Variants in FOXJ3 observed in about 807,000 individuals in gnomAD.
FOXJ3 encodes forkhead box J3, also known as forkhead box protein J3.
Under a neutral mutation model 76.1 loss-of-function variants are expected in FOXJ3, and 22 were observed. The ratio of observed to expected loss-of-function variants is 0.29; its 90% CI spans 0.21 to 0.41. FOXJ3 has a LOEUF of 0.41. Among genes scored for constraint, FOXJ3 ranks in the 10% least tolerant of loss-of-function variants. The pLI, the probability that FOXJ3 is intolerant of heterozygous loss-of-function variation, is 1.00. For synonymous variants in FOXJ3, 269 were observed against 261.2 expected (o/e 1.03, Z -0.29); for missense variants, 613 against 762.1 (o/e 0.80, Z 2.30).
chr1:42,247,852 A>C (rs770317857), intron 4 of FOXJ3, among the ~76,000 whole-genome samples: 4 of 152,256 alleles, frequency 2.6e-5, no homozygotes, highest in Non-Finnish European at 1.5e-5. Flanking sequence ...CAAACAATCT[A>C]AATGTTCTTC....
At chr1:42,279,633 A>G (rs753750088) in intron 2 of FOXJ3, among the ~76,000 whole-genome samples, 16 of 152,178 alleles carry the variant, frequency 1.1e-4, no homozygotes, top group Non-Finnish European at 2.4e-4. Context: ...AGAATTGAAG[A>G]TAAGAATATA....
intron 4 of FOXJ3, among the ~76,000 whole-genome samples, chr1:42,260,308 T>C (rs1360183819): frequency 6.6e-6 from 1 of 152,128 alleles, no homozygotes; most frequent in East Asian, 1.9e-4. Context: ...TATAACATAA[T>C]ACTAATATAG....
chr1:42,302,764 T>C (rs1444414754), intron 2 of FOXJ3, among the ~76,000 whole-genome samples: 1 of 152,206 alleles, frequency 6.6e-6, no homozygotes, highest in East Asian at 1.9e-4. Flanking sequence ...AGTATTATTT[T>C]GCACTATATA....
At chr1:42,311,373 A>G (rs1387005775) in intron 1 of FOXJ3, among the ~76,000 whole-genome samples, 1 of 152,218 alleles carries the variant, frequency 6.6e-6, no homozygotes, top group Non-Finnish European at 1.5e-5. Context: ...TAGATACACT[A>G]TAACTGTAAC....
At chr1:42,221,747 A>G (rs1012562012) in intron 5 of FOXJ3, among the ~76,000 whole-genome samples, 2 of 150,562 alleles carry the variant, frequency 1.3e-5, no homozygotes, top group African/African-American at 2.4e-5. Flanking sequence ...TCCCTCTTCT[A>G]CTCCTTGACA....
intron 4 of FOXJ3, among the ~76,000 whole-genome samples, chr1:42,242,692 C>T (rs1196527064): frequency 1.3e-5 from 2 of 152,008 alleles, no homozygotes; most frequent in Non-Finnish European, 2.9e-5. Flanking sequence ...GCATATGTGA[C>T]ATATGGGACA....
chr1:42,319,150 G>C (rs959839356), intron 1 of FOXJ3, among the ~76,000 whole-genome samples: 2 of 152,110 alleles, frequency 1.3e-5, no homozygotes, highest in Admixed American at 6.5e-5. Context: ...GGATCAATTG[G>C]GCCCAAGAGG....
At position 42,245,928 on chromosome 1, in the gene FOXJ3, C is replaced by CA. The variant is rs569509233; in HGVS notation, c.445-17963dup. On this transcript the variant is annotated intron_variant, in intron 4 of 12. Coordinates refer to ENST00000361346, the MANE Select transcript of FOXJ3 (RefSeq NM_014947.5). ...ATCTAGAAAATCCTAAAGACTCCCC[C>CA]AAAAAACTCAATGGTCCTAGGAAAA... Among the ~76,000 whole-genome samples the CA allele has an allele frequency of 2.2e-4, 33 of 152,190 alleles. No individual in the cohort carries two copies. In the East Asian group the frequency reaches 5.0e-3, roughly 23 times the overall value.
In FOXJ3 at chr1:42,178,997, T is replaced by A. The variant is rs1282380839; in HGVS notation, c.*713A>T. On this transcript the variant is annotated 3_prime_UTR_variant, in exon 13 of 13. Coordinates refer to ENST00000361346, the MANE Select transcript of FOXJ3 (RefSeq NM_014947.5). The stretch of plus-strand genomic sequence containing the variant: ...CAATCAACAAATTTTAGAGCTATTA[T>A]AATGCAGATTTAGAAAAGCAGACAT... 1 of 152,758 alleles carries A rather than the reference T, an allele frequency of 6.5e-6. No individual in the cohort carries two copies. The highest frequency in any genetic ancestry group is 1.9e-4 in the East Asian group (1 of 5,194). The allele number at this position is 152,758 out of a possible 1,614,324, so 9.5% of individuals were successfully genotyped here.
At position 42,311,039 on chromosome 1, in the gene FOXJ3, A is replaced by AG; in HGVS notation, c.44+10dup. ...TATGTTCTAATAAAGAAAAAAAAAA[A>AG]GAGCACTCACCTTAATGAAGTTACA... On this transcript the variant is annotated intron_variant, in intron 2 of 12. Transcript: ENST00000361346. 2 of 1,555,476 alleles carry AG rather than the reference A, an allele frequency of 1.3e-6. No homozygotes were observed. The highest frequency in any genetic ancestry group is 1.7e-6 in the Non-Finnish European group (2 of 1,146,144).
chr1:42,239,722 T>C (rs1472978203), intron 4 of FOXJ3, among the ~76,000 whole-genome samples: 1 of 152,198 alleles, frequency 6.6e-6, no homozygotes, highest in Non-Finnish European at 1.5e-5. Flanking sequence ...ACTTATGAAG[T>C]ATTTGATGGC....
At chr1:42,317,756 A>G (rs921221232) in intron 1 of FOXJ3, among the ~76,000 whole-genome samples, 5 of 152,180 alleles carry the variant, frequency 3.3e-5, no homozygotes, top group African/African-American at 1.2e-4. Flanking sequence ...AAGTTTAGCT[A>G]CAAGTTGTAT....
At chr1:42,245,651 A>G (rs1649492094) in intron 4 of FOXJ3, among the ~76,000 whole-genome samples, 1 of 152,212 alleles carries the variant, frequency 6.6e-6, no homozygotes, top group Admixed American at 6.5e-5. Flanking sequence ...GAAATCAGGC[A>G]TAACAAAAAC....
chr1:42,237,687 T>A (rs1648799386), intron 4 of FOXJ3, among the ~76,000 whole-genome samples: 1 of 151,888 alleles, frequency 6.6e-6, no homozygotes, highest in African/African-American at 2.4e-5. Context: ...ATCTTTTTTT[T>A]TAAATTTGCC....
At chr1:42,189,154 C>G (rs1298580265) in intron 10 of FOXJ3, 149 bp downstream of exon 10, 1 of 661,378 alleles carries the variant, frequency 1.5e-6, no homozygotes, top group East Asian at 2.8e-5. Flanking sequence ...TCTGCTATAC[C>G]AAGTGGCCAA....
In FOXJ3 at chr1:42,280,438, TAAAAAAA is replaced by T. The variant is rs71065112; in HGVS notation, c.45-1773_45-1767del. 101 of 77,574 alleles carry T rather than the reference TAAAAAAA, an allele frequency of 1.3e-3. 2 individuals are homozygous for T. Among genetic ancestry groups the T allele is most frequent in the South Asian group, 3.3e-3 (5 of 1,502 alleles). 4.8% of individuals were successfully genotyped at this position (77,574 alleles called of 1,614,324 possible). On this transcript the variant is annotated intron_variant, in intron 2 of 12. Coordinates refer to ENST00000361346, the MANE Select transcript of FOXJ3 (RefSeq NM_014947.5). ...ATCCATATAGCATCTTCAGAGATCT[TAAAAAAA>T]AAAAAAAAAAAAAAAAAAAAACTTA...
At chr1:42,324,279 A>T (rs1397953766) in intron 1 of FOXJ3, among the ~76,000 whole-genome samples, 1 of 143,982 alleles carries the variant, frequency 6.9e-6, no homozygotes, top group Non-Finnish European at 1.5e-5. Context: ...TACACTATAT[A>T]TATTATACAC....
At chr1:42,240,192 G>A (rs920356508) in intron 4 of FOXJ3, among the ~76,000 whole-genome samples, 1 of 152,064 alleles carries the variant, frequency 6.6e-6, no homozygotes, top group Non-Finnish European at 1.5e-5. Context: ...TTAGTTTTTT[G>A]TTTGTTTTTA....
intron 5 of FOXJ3, among the ~76,000 whole-genome samples, chr1:42,220,736 TTAAC>T (rs1230370910): frequency 1.3e-5 from 2 of 152,118 alleles, no homozygotes; most frequent in African/African-American, 4.8e-5. Flanking sequence ...GCTAACAGTT[TTAAC>T]TGACTGGGTG....
Sources: allele counts gnomAD v4.1 joint callset (sites outside exome capture counted in the v4.1 genomes callset), GRCh38; gene constraint gnomAD v4.1.1; transcripts MANE v1.5; gene names NCBI Gene and HGNC (gene_info 2026-07-23, HGNC 2026-07-21).